The following CTTNBP2NL variants were observed in gnomAD, a reference collection of about 807,000 sequenced individuals.
CTTNBP2NL encodes CTTNBP2 N-terminal like.
In CTTNBP2NL, 16 loss-of-function variants were observed where a neutral mutation model predicts 32.5. The observed-to-expected ratio is 0.49, with a 90% CI of 0.33 to 0.75. The LOEUF is 0.75. Among genes scored for constraint, CTTNBP2NL ranks in the 30% least tolerant of loss-of-function variants. The pLI is 0.02. For synonymous variants in CTTNBP2NL, 298 were observed against 289.4 expected, an observed-to-expected ratio of 1.03 and a Z score of -0.30; for missense variants, 645 against 756.0, an observed-to-expected ratio of 0.85 and a Z score of 1.72.
At chr1:112,449,381 G>A (rs531237894) in intron 4 of CTTNBP2NL, among the ~76,000 whole-genome samples, 1 of 148,546 alleles carries the variant, frequency 6.7e-6, no homozygotes, top group South Asian at 2.3e-4. Context: ...TGCCAGACAC[G>A]TTATTTAAGA....
At chr1:112,418,275 A>G (rs771168793) in intron 3 of CTTNBP2NL, among the ~76,000 whole-genome samples, 5 of 152,120 alleles carry the variant, frequency 3.3e-5, no homozygotes, top group African/African-American at 4.8e-5. Context: ...TAGAATTGTA[A>G]AAGAGCTACA....
upstream of CTTNBP2NL, among the ~76,000 whole-genome samples, chr1:112,395,913 T>C (rs1648303172): frequency 6.6e-6 from 1 of 152,166 alleles, no homozygotes; most frequent in Non-Finnish European, 1.5e-5. Flanking sequence ...CTAGTCACGG[T>C]CCTGCCCAGA....
chr1:112,410,042 G>A (rs1648806412), intron 1 of CTTNBP2NL, among the ~76,000 whole-genome samples: 1 of 152,176 alleles, frequency 6.6e-6, no homozygotes, highest in African/African-American at 2.4e-5. Context: ...TGAAACCTGT[G>A]AATACACCAA....
Position 112,456,749 on chromosome 1 carries a change from C to T in CTTNBP2NL, c.1257C>T (p.Ala419=). ...SGSSLSPSST[A]SSSLTSSPCS... ...GCTCACTGTCTCCCAGCAGCACTGC[C>T]TCCTCCTCTCTAACATCCTCTCCTT... The change falls in exon 6 of 6, where the codon GCC becomes GCT. Residue 419 remains alanine (A), a synonymous_variant. Coordinates refer to ENST00000271277, the MANE Select transcript of CTTNBP2NL (RefSeq NM_018704.3). 1 of 1,614,120 alleles carries T rather than the reference C, an allele frequency of 6.2e-7. No homozygotes were observed. The highest frequency in any genetic ancestry group is 8.5e-7 in the Non-Finnish European group (1 of 1,180,026).
intron 3 of CTTNBP2NL, among the ~76,000 whole-genome samples, chr1:112,441,154 C>T (rs1649880405): frequency 1.3e-5 from 2 of 152,192 alleles, no homozygotes; most frequent in Admixed American, 6.5e-5. Context: ...CCTATCAAGA[C>T]ACAGAACATT....
chr1:112,455,843 T>C (rs1650344176), intron 5 of CTTNBP2NL, 88 bp from the exon 6 acceptor site: 1 of 949,250 alleles, frequency 1.1e-6, no homozygotes, highest in Non-Finnish European at 1.6e-6. Flanking sequence ...GATGTGCATG[T>C]TAATCCTGTA....
At position 112,456,707 on chromosome 1, in the gene CTTNBP2NL, C is replaced by T. The variant is rs146344185; in HGVS notation, c.1215C>T (p.Pro405=). 290 of 1,614,098 alleles carry T rather than the reference C, an allele frequency of 1.8e-4. 1 individual carries two copies. The African/African-American group carries it at 3.0e-3, about 17-fold the overall frequency. The change falls in exon 6 of 6, where the codon CCC becomes CCT. Residue 405 remains proline (P), a synonymous_variant. Transcript: ENST00000271277. ...AGACTCCAGTCCCAATGCCCAGTCCCCTCTCTTCCAGTGGGAGCTCACTGT... is the reference window on the plus strand; with the variant it reads ...AGACTCCAGTCCCAATGCCCAGTCCTCTCTCTTCCAGTGGGAGCTCACTGT... ...GIETPVPMPS[P]LSSSGSSLSP...
rs1189323047 is a variant in CTTNBP2NL at position 112,458,420 on chromosome 1, T to C, written c.*1008T>C. Reference sequence around the variant, plus strand: ...GTATCTGTAAAACCAAATTAACTTTTGCTTAAATGGGAAGTATACATATAT... The same window carrying C: ...GTATCTGTAAAACCAAATTAACTTTCGCTTAAATGGGAAGTATACATATAT... On this transcript the variant is annotated 3_prime_UTR_variant, in exon 6 of 6. Coordinates refer to ENST00000271277, the MANE Select transcript of CTTNBP2NL (RefSeq NM_018704.3). The C allele has an allele frequency of 6.5e-6, 1 of 152,676 alleles. No homozygotes were observed. The highest frequency in any genetic ancestry group is 1.5e-5 in the Non-Finnish European group (1 of 68,044). The allele number at this position is 152,676 out of a possible 1,614,324, so 9.5% of individuals were successfully genotyped here.
Position 112,457,022 on chromosome 1 carries a change from C to T in CTTNBP2NL, c.1530C>T (p.Ser510=), listed in dbSNP as rs1650389158. 6.2e-7 allele frequency: 1 copy of T among 1,614,170 alleles called. No individual in the cohort carries two copies. Among genetic ancestry groups the T allele is most frequent in the South Asian group, 1.1e-5 (1 of 91,086 alleles). The change falls in exon 6 of 6, where the codon TCC becomes TCT. Residue 510 remains serine (S), a synonymous_variant. Transcript: ENST00000271277. The part of the protein sequence containing the change: ...LARNTVTQVL[S]RFTSQQGPIK... Reference sequence around the variant, plus strand: ...GAAACACAGTCACTCAGGTGCTCTCCAGATTCACTAGCCAACAAGGGCCAA... The same window carrying T: ...GAAACACAGTCACTCAGGTGCTCTCTAGATTCACTAGCCAACAAGGGCCAA...
chr1:112,404,407 C>T (rs771223885), intron 1 of CTTNBP2NL, among the ~76,000 whole-genome samples: 1 of 152,184 alleles, frequency 6.6e-6, no homozygotes, highest in Non-Finnish European at 1.5e-5. Flanking sequence ...CGCTAAAACA[C>T]AGATTCCTTA....
intron 4 of CTTNBP2NL, among the ~76,000 whole-genome samples, chr1:112,452,335 C>CTTCTTTTTTTTTTT (rs1553227272): frequency 1.2e-4 from 8 of 65,720 alleles, no homozygotes; most frequent in African/African-American, 4.9e-4. Context: ...CCAGTCTCTT[C>CTTCTTTTTTTTTTT]TTTTTTTTTT....
chr1:112,450,262 A>C (rs1231624181), intron 4 of CTTNBP2NL, among the ~76,000 whole-genome samples: 1 of 152,152 alleles, frequency 6.6e-6, no homozygotes, highest in Non-Finnish European at 1.5e-5. Flanking sequence ...GAACTTCTTA[A>C]CCATGGATAG....
chr1:112,412,962 A>G (rs1648926755), intron 2 of CTTNBP2NL, among the ~76,000 whole-genome samples: 1 of 152,166 alleles, frequency 6.6e-6, no homozygotes, highest in South Asian at 2.1e-4. Flanking sequence ...AGTTATTAAC[A>G]TTTGTGTGCA....
chr1:112,452,335 C>CTTCTTTTTTTTTTTTTT (rs1553227272), intron 4 of CTTNBP2NL, among the ~76,000 whole-genome samples: 4 of 65,688 alleles, frequency 6.1e-5, no homozygotes, highest in African/African-American at 2.4e-4. Context: ...CCAGTCTCTT[C>CTTCTTTTTTTTTTTTTT]TTTTTTTTTT....
intron 3 of CTTNBP2NL, among the ~76,000 whole-genome samples, chr1:112,420,737 G>A (rs536669979): frequency 6.8e-4 from 104 of 152,336 alleles, no homozygotes; most frequent in African/African-American, 2.4e-3. Flanking sequence ...AAAGTGCTGG[G>A]ATTACAGGCA....
intron 3 of CTTNBP2NL, among the ~76,000 whole-genome samples, chr1:112,443,124 A>T (rs1230776229): frequency 1.3e-5 from 2 of 152,242 alleles, no homozygotes; most frequent in Non-Finnish European, 2.9e-5. Context: ...ATAAATGGTC[A>T]TCTGTCCTTA....
rs1273920220 is a variant in CTTNBP2NL at position 112,432,826 on chromosome 1, C to T, written c.100-16116C>T. On this transcript the variant is annotated intron_variant, in intron 3 of 5. Transcript: ENST00000271277. ...CACCCTAGTTCTCTTTCTCTCTTTA[C>T]ACTGAAATATTTAATTAAATATTTC... 4.6e-5 allele frequency among the ~76,000 whole-genome samples: 7 copies of T among 150,576 alleles called. No homozygotes were observed. In the East Asian group the frequency reaches 1.4e-3, roughly 29 times the overall value.
Position 112,456,753 on chromosome 1 carries a change from T to A in CTTNBP2NL, c.1261T>A (p.Ser421Thr). The change falls in exon 6 of 6, where the codon TCC becomes ACC. Residue 421 changes from serine (S) to threonine (T), a missense_variant. Coordinates refer to ENST00000271277, the MANE Select transcript of CTTNBP2NL (RefSeq NM_018704.3). ...SSLSPSSTAS[S>T]SLTSSPCSSP... ...ACTGTCTCCCAGCAGCACTGCCTCC[T>A]CCTCTCTAACATCCTCTCCTTGCTC... The A allele has an allele frequency of 6.2e-7, 1 of 1,614,038 alleles. No homozygotes were observed. Among genetic ancestry groups the A allele is most frequent in the Non-Finnish European group, 8.5e-7 (1 of 1,180,014 alleles).
intron 1 of CTTNBP2NL, among the ~76,000 whole-genome samples, chr1:112,410,351 A>G (rs1430639381): frequency 3.3e-5 from 5 of 151,566 alleles, no homozygotes; most frequent in South Asian, 2.1e-4. Context: ...AGATCGTGCC[A>G]TTGCACTCCA....
Sources: gnomAD v4.1 joint callset for allele counts (sites outside exome capture counted in the v4.1 genomes callset) on GRCh38, gnomAD v4.1.1 for gene constraint, MANE v1.5 for transcripts, NCBI Gene and HGNC (gene_info 2026-07-23, HGNC 2026-07-21) for gene names.